The following EFCAB10 variants were observed in gnomAD, a reference collection of about 807,000 sequenced individuals.
The protein encoded by EFCAB10 is EF-hand calcium-binding domain-containing protein 10.
A neutral mutation model predicts 7.7 loss-of-function variants in EFCAB10; 7 were observed. The ratio of observed to expected loss-of-function variants is 0.91; its 90% CI spans 0.52 to 1.72. EFCAB10 has a LOEUF of 1.72. EFCAB10 is among the 40% of genes most tolerant of loss of function. EFCAB10 has a pLI of 0.00. For missense variants in EFCAB10, 112 were observed against 61.5 expected (o/e 1.82, Z -2.74); for synonymous variants, 52 against 21.0 (o/e 2.47, Z -4.03).
chr7:105,566,892 CAT>C (rs1421588666), intron 4 of EFCAB10: 1 of 313,626 alleles, frequency 3.2e-6, no homozygotes, highest in African/African-American at 2.1e-5. Context: ...ATAACGGATA[CAT>C]ATTGAAATAG....
intron 1 of EFCAB10, among the ~76,000 whole-genome samples, chr7:105,579,340 C>T (rs563464945): frequency 6.6e-6 from 1 of 152,258 alleles, no homozygotes; most frequent in Admixed American, 6.5e-5. Flanking sequence ...AGCAGGAAGA[C>T]ACACAGCTGG....
chr7:105,576,212 T>G (rs1000279432), intron 1 of EFCAB10, among the ~76,000 whole-genome samples: 3 of 152,116 alleles, frequency 2.0e-5, no homozygotes, highest in Admixed American at 6.6e-5. Context: ...CAAAGAAACT[T>G]CTTATGCCAC....
At chr7:105,568,681 ATT>A (rs369728171) in intron 3 of EFCAB10, among the ~76,000 whole-genome samples, 42 of 152,046 alleles carry the variant, frequency 2.8e-4, no homozygotes, top group African/African-American at 8.5e-4. Flanking sequence ...GGCACAGCCC[ATT>A]ACATGCCTGT....
rs201892348 is a variant in EFCAB10 at position 105,565,621 on chromosome 7, G to T, written c.*-174C>A. ...CTTTTCCCTTTGTTTTCTCACTATT[G>T]CAAGAGACCAGAAAATTATTTTAAA... On this transcript the variant is annotated intron_variant, in intron 4 of 4. Transcript: ENST00000480514. 2.1e-5 allele frequency: 34 copies of T among 1,610,562 alleles called. No individual in the cohort carries two copies. Among genetic ancestry groups the T allele is most frequent in the Non-Finnish European group, 2.5e-5 (29 of 1,177,466 alleles).
chr7:105,567,045 G>A, intron 4 of EFCAB10: 1 of 914,456 alleles, frequency 1.1e-6, no homozygotes, highest in South Asian at 2.3e-5. Context: ...AAGCTGTTTA[G>A]GATTCTCAAA....
chr7:105,567,830 A>T (rs1317763714), intron 3 of EFCAB10, among the ~76,000 whole-genome samples: 1 of 152,098 alleles, frequency 6.6e-6, no homozygotes, highest in Admixed American at 6.6e-5. Flanking sequence ...CAGGAGTGCG[A>T]AAACATCCTG....
intron 4 of EFCAB10, among the ~76,000 whole-genome samples, chr7:105,565,992 G>T (rs369777911): frequency 2.0e-5 from 3 of 152,280 alleles, no homozygotes; most frequent in African/African-American, 7.2e-5. Flanking sequence ...TTACAGGGCC[G>T]GGCGTGGTGG....
In EFCAB10 at chr7:105,565,262, A is replaced by G. The variant is rs771142191; in HGVS notation, c.*185T>C. 14 of 1,558,022 alleles carry G rather than the reference A, an allele frequency of 9.0e-6. No individual in the cohort carries two copies. Among genetic ancestry groups the G allele is most frequent in the African/African-American group, 5.5e-5 (4 of 72,232 alleles). On this transcript the variant is annotated 3_prime_UTR_variant, in exon 5 of 5. Coordinates refer to ENST00000480514, the MANE Select transcript of EFCAB10 (RefSeq NM_001355526.2). ...AACTGATGAAAATTTTTTGGTAAAA[A>G]TGTGTTTTTTCCAGATGGTTGTCCT...
chr7:105,576,454 T>C (rs1792081082), intron 1 of EFCAB10, among the ~76,000 whole-genome samples: 1 of 152,066 alleles, frequency 6.6e-6, no homozygotes, highest in Non-Finnish European at 1.5e-5. Context: ...TCATTATTAT[T>C]ATTATTAAGA....
chr7:105,580,559 T>C (rs1792199427), intron 1 of EFCAB10, among the ~76,000 whole-genome samples: 2 of 152,256 alleles, frequency 1.3e-5, no homozygotes, highest in South Asian at 4.1e-4. Flanking sequence ...CGGCCTTTTT[T>C]TTTCTTTCTA....
chr7:105,580,109 T>A lies in EFCAB10; in HGVS notation c.106+1249A>T, dbSNP rs116076593. The stretch of plus-strand genomic sequence containing the variant: ...CACGTGATCCTCCCACATCAGCCTC[T>A]TGAGTAGCTGGGATTATAGGCACGC... On this transcript the variant is annotated intron_variant, in intron 1 of 4. Coordinates refer to ENST00000480514, the MANE Select transcript of EFCAB10 (RefSeq NM_001355526.2). 2.4e-3 allele frequency among the ~76,000 whole-genome samples: 368 copies of A among 152,188 alleles called. 2 individuals carry two copies. The highest frequency in any genetic ancestry group is 8.5e-3 in the African/African-American group (352 of 41,540).
At chr7:105,569,846 G>T (rs888344690) in intron 1 of EFCAB10, among the ~76,000 whole-genome samples, 1 of 152,090 alleles carries the variant, frequency 6.6e-6, no homozygotes, top group Admixed American at 6.5e-5. Flanking sequence ...GTGACTATAA[G>T]TTGCAGACAG....
At chr7:105,574,645 C>T (rs533141978) in intron 1 of EFCAB10, among the ~76,000 whole-genome samples, 15 of 151,972 alleles carry the variant, frequency 9.9e-5, no homozygotes, top group South Asian at 2.1e-4. Flanking sequence ...CCACCATGCC[C>T]GGCTAATTTT....
chr7:105,566,843 T>G (rs1057106949), intron 4 of EFCAB10: 1 of 207,430 alleles, frequency 4.8e-6, no homozygotes, highest in Non-Finnish European at 9.5e-6. Flanking sequence ...TATAGCTATA[T>G]TTAATATAGT....
At chr7:105,576,357 T>G (rs565470096) in intron 1 of EFCAB10, among the ~76,000 whole-genome samples, 6 of 152,266 alleles carry the variant, frequency 3.9e-5, no homozygotes, top group Admixed American at 6.5e-5. Context: ...CTTCATTACC[T>G]TCTTATTCTG....
In EFCAB10 at chr7:105,581,388, G is replaced by A. The variant is rs1289419575; in HGVS notation, c.76C>T (p.Leu26Phe). The A allele has an allele frequency of 1.4e-6, 1 of 703,060 alleles. No homozygotes were observed. Among genetic ancestry groups the A allele is most frequent in the Non-Finnish European group, 2.6e-6 (1 of 385,002 alleles). 43.6% of individuals were successfully genotyped at this position (703,060 alleles called of 1,614,324 possible). The change falls in exon 1 of 5, where the codon CTC becomes TTC. Residue 26 changes from leucine to phenylalanine, a missense_variant. By Grantham distance (22) the Leu-to-Phe change is conservative (BLOSUM62 0). Transcript: ENST00000480514. ...CGAAAGAAAAGGAGGGCGCTGGTGA[G>A]GTAGCTAACCACCTCCTTGATCTGA... ...KHQIKEVVSY[L>F]TSALLFFRPE...
chr7:105,567,729 CTG>C (rs1413280861), intron 3 of EFCAB10: 1 of 454,916 alleles, frequency 2.2e-6, no homozygotes, highest in South Asian at 3.4e-5. Context: ...TGGGAATTAA[CTG>C]TATTTCCATG....
intron 4 of EFCAB10, among the ~76,000 whole-genome samples, chr7:105,566,114 C>G (rs1376798947): frequency 4.7e-5 from 1 of 21,316 alleles, no homozygotes; most frequent in Non-Finnish European, 1.2e-4. Context: ...ACTAAAAATA[C>G]CAAAAAAAAA....
intron 1 of EFCAB10, among the ~76,000 whole-genome samples, chr7:105,581,126 A>G (rs1290239903): frequency 6.6e-6 from 1 of 152,180 alleles, no homozygotes; most frequent in Non-Finnish European, 1.5e-5. Flanking sequence ...AGGCTGAGGC[A>G]GGAGAATCGC....
Sources: allele counts gnomAD v4.1 joint callset (sites outside exome capture counted in the v4.1 genomes callset), GRCh38; gene constraint gnomAD v4.1.1; transcripts MANE v1.5; gene names NCBI Gene and HGNC (gene_info 2026-07-23, HGNC 2026-07-21).